The following DOC2B variants were observed in gnomAD, a reference collection of about 807,000 sequenced individuals.
DOC2B encodes double C2 domain beta.
DOC2B carries 21 observed loss-of-function variants against 28.9 expected under a neutral mutation model. The ratio of observed to expected loss-of-function variants is 0.73; its 90% CI spans 0.52 to 1.05. The LOEUF is 1.05. Ranked by LOEUF, DOC2B falls within the 50% of genes least tolerant of loss-of-function variation. DOC2B has a pLI of 0.00. For missense variants in DOC2B, 384 were observed against 421.1 expected, an observed-to-expected ratio of 0.91 and a Z score of 0.77; for synonymous variants, 194 against 178.1, an observed-to-expected ratio of 1.09 and a Z score of -0.71.
At chr17:170,824 G>A (rs111785646) in intron 2 of DOC2B, among the ~76,000 whole-genome samples, 1 of 109,698 alleles carries the variant, frequency 9.1e-6, no homozygotes, top group Non-Finnish European at 2.0e-5. Flanking sequence ...GCAGCACCAG[G>A]GGCCGGGCCA....
Position 181,488 on chromosome 17 carries a change from C to A in DOC2B, c.-9G>T. On this transcript the variant is annotated 5_prime_UTR_variant, in exon 1 of 9. Transcript: ENST00000613549. This position sits in a 1 kb window ranked among gnomAD's most constrained non-coding sequence, Gnocchi z 7.0. ...CGCCGCCGGAGGGTCATGCAGGCAG[C>A]GCCGCCCCGCCCCGGGCGCGGCCCG... 9.8e-7 allele frequency: 1 copy of A among 1,025,614 alleles called. No homozygotes were observed. Among genetic ancestry groups the A allele is most frequent in the Non-Finnish European group, 1.2e-6 (1 of 858,548 alleles). The allele number at this position is 1,025,614 out of a possible 1,614,324, so 63.5% of individuals were successfully genotyped here. A position where few individuals can be genotyped will look rare whatever the true frequency, so the allele number is the denominator to read the frequency against.
intron 6 of DOC2B, 54 bp downstream of exon 6, chr17:156,166 C>A: frequency 6.7e-7 from 1 of 1,495,184 alleles, no homozygotes; most frequent in Non-Finnish European, 9.0e-7. Flanking sequence ...GCACACGGAC[C>A]CCCGTCCTTG....
rs1162131781 is a variant in DOC2B, at chr17:181,227, G to A, written c.253C>T (p.Gln85Ter). 9.0e-6 allele frequency: 11 copies of A among 1,219,744 alleles called. No homozygotes were observed. 75.6% of individuals were successfully genotyped at this position (1,219,744 alleles called of 1,614,324 possible). A position where few individuals can be genotyped will look rare whatever the true frequency, so the allele number is the denominator to read the frequency against. Residue 85 changes from glutamine to a stop codon, truncating the protein, a stop_gained, in exon 1 of 9, where the codon CAG becomes TAG. Transcript: ENST00000613549. LOFTEE classifies it high-confidence loss of function. This position sits in a 1 kb window ranked among gnomAD's most constrained non-coding sequence, Gnocchi z 7.0. ...GAREDDEDVD[Q>*]LFGAYGSSPG... ...CTGGAGCCGTAGGCTCCGAAGAGCT[G>A]GTCCACATCCTCGTCGTCCTCGCGG...
chr17:150,284 TG>T (rs2040058309), intron 6 of DOC2B, among the ~76,000 whole-genome samples: 1 of 152,194 alleles, frequency 6.6e-6, no homozygotes, highest in South Asian at 2.1e-4. Flanking sequence ...CTGGGGTCTC[TG>T]GGGTCTCACC....
At chr17:152,247 C>G (rs1293459714) in intron 6 of DOC2B, among the ~76,000 whole-genome samples, 1 of 152,178 alleles carries the variant, frequency 6.6e-6, no homozygotes, top group African/African-American at 2.4e-5. Context: ...GCCATTTTCA[C>G]GGGCATGAAA....
intron 6 of DOC2B, among the ~76,000 whole-genome samples, chr17:150,773 C>A (rs1046362614): frequency 1.3e-5 from 2 of 152,300 alleles, no homozygotes. Flanking sequence ...CAACCACACG[C>A]CCTTCAACTG....
chr17:181,332 G>A lies in DOC2B; in HGVS notation c.148C>T (p.Pro50Ser). Residue 50 changes from proline (P) to serine (S), a missense_variant, in exon 1 of 9, where the codon CCC (proline) becomes TCC (serine). Pro to Ser is a moderately conservative substitution (Grantham distance 74). Coordinates refer to ENST00000613549, the MANE Select transcript of DOC2B (RefSeq NM_003585.5). The surrounding 1 kb of genome is among the most constrained non-coding windows in gnomAD (Gnocchi z 7.0). ...GCGTCCGGGGGTGCAGCGGCTCGGG[G>A]CCCGGCGTCCGGGGGCAGGCCCCGC... ...FPRGLPPDAGPRAAAPPDAPA... is the reference protein window; with the variant it reads ...FPRGLPPDAGSRAAAPPDAPA... 8.8e-7 allele frequency: 1 copy of A among 1,142,250 alleles called. No homozygotes were observed. Among genetic ancestry groups the A allele is most frequent in the Non-Finnish European group, 1.1e-6 (1 of 931,314 alleles). 70.8% of individuals were successfully genotyped at this position (1,142,250 alleles called of 1,614,324 possible). A position where few individuals can be genotyped will look rare whatever the true frequency, so the allele number is the denominator to read the frequency against.
At chr17:177,819 C>T (rs2040388219) in intron 1 of DOC2B, among the ~76,000 whole-genome samples, 1 of 152,280 alleles carries the variant, frequency 6.6e-6, no homozygotes, top group African/African-American at 2.4e-5. Flanking sequence ...GCACCACAGC[C>T]CATGGGGGCT....
At chr17:176,528 A>G (rs2040372181) in intron 1 of DOC2B, among the ~76,000 whole-genome samples, 1 of 152,146 alleles carries the variant, frequency 6.6e-6, no homozygotes, top group African/African-American at 2.4e-5. Context: ...CCCTGGTCCA[A>G]AAAGCTTTTT....
At chr17:175,904 G>A (rs2040364729) in intron 1 of DOC2B, among the ~76,000 whole-genome samples, 1 of 152,210 alleles carries the variant, frequency 6.6e-6, no homozygotes, top group Non-Finnish European at 1.5e-5. Flanking sequence ...CTCCTGGGAA[G>A]GAACAGCACA....
At chr17:173,188 A>G (rs1198834891) in intron 1 of DOC2B, among the ~76,000 whole-genome samples, 1 of 152,102 alleles carries the variant, frequency 6.6e-6, no homozygotes, top group Non-Finnish European at 1.5e-5. Context: ...AAGTCTCTCA[A>G]TGGCAGTGGT....
intron 6 of DOC2B, among the ~76,000 whole-genome samples, chr17:151,464 A>T (rs1171505111): frequency 1.3e-5 from 2 of 152,204 alleles, no homozygotes; most frequent in Non-Finnish European, 2.9e-5. Flanking sequence ...GCCAATAAGC[A>T]TTCCCTTTGA....
At position 156,261 on chromosome 17, in the gene DOC2B, G is replaced by T; in HGVS notation, c.882C>A (p.Ala294=). 1 of 1,551,578 alleles carries T rather than the reference G, an allele frequency of 6.4e-7. No individual in the cohort carries two copies. Among genetic ancestry groups the T allele is most frequent in the African/African-American group, 1.4e-5 (1 of 73,158 alleles). ...LVGIVRCAHL[A]AMDANGYSDP... ...CCGAGTAGCCGTTGGCGTCCATGGC[G>T]GCCAGGTGGGCGCACCGCACGATGC... The change falls in exon 6 of 9, where the codon GCC becomes GCA. Residue 294 remains alanine (A), a synonymous_variant. Coordinates refer to ENST00000613549, the MANE Select transcript of DOC2B (RefSeq NM_003585.5).
At chr17:175,002 G>C (rs1282651074) in intron 1 of DOC2B, among the ~76,000 whole-genome samples, 6 of 152,228 alleles carry the variant, frequency 3.9e-5, no homozygotes, top group Non-Finnish European at 8.8e-5. Context: ...CACTTTGGGA[G>C]GCTGAGACGG....
At chr17:149,533 C>G (rs1257336438) in intron 6 of DOC2B, among the ~76,000 whole-genome samples, 2 of 152,102 alleles carry the variant, frequency 1.3e-5, no homozygotes, top group Admixed American at 6.6e-5. Context: ...GAGTTTTTAG[C>G]AGAGTTGGTC....
Position 181,413 on chromosome 17 carries a change from A to T in DOC2B, c.67T>A (p.Cys23Ser). ...SIQEHMAIDV[C>S]PGPIRPIKQI... ...TTGATGGGACGGATGGGGCCGGGGC[A>T]CACGTCGATGGCCATATGCTCCTGG... Residue 23 changes from cysteine (C) to serine (S), a missense_variant, in exon 1 of 9, where the codon TGC (cysteine) becomes AGC (serine). Transcript: ENST00000613549. The surrounding 1 kb of genome is among the most constrained non-coding windows in gnomAD (Gnocchi z 7.0). The T allele has an allele frequency of 8.4e-7, 1 of 1,187,618 alleles. No homozygotes were observed. Among genetic ancestry groups the T allele is most frequent in the Non-Finnish European group, 1.1e-6 (1 of 946,932 alleles). 73.6% of individuals were successfully genotyped at this position (1,187,618 alleles called of 1,614,324 possible).
In DOC2B at chr17:147,855, A is replaced by G. The variant is rs985816785; in HGVS notation, c.1103-278T>C. ...CTGAAGAGGGGAGAAAGGGCCGGGC[A>G]GCCCCACTATGCGCAGCCACCAGGC... On this transcript the variant is annotated intron_variant, in intron 8 of 8. Coordinates refer to ENST00000613549, the MANE Select transcript of DOC2B (RefSeq NM_003585.5). Among the ~76,000 whole-genome samples the G allele has an allele frequency of 1.7e-3, 262 of 152,320 alleles. 6 individuals carry two copies. In the East Asian group the frequency reaches 0.045, roughly 26 times the overall value.
chr17:144,046 CG>C lies in DOC2B; in HGVS notation c.*3394del, dbSNP rs2040002049. 1 of 90,574 alleles carries C rather than the reference CG, an allele frequency of 1.1e-5. No homozygotes were observed. The highest frequency in any genetic ancestry group is 2.1e-5 in the Non-Finnish European group (1 of 48,132). The allele number at this position is 90,574 out of a possible 1,614,324, so 5.6% of individuals were successfully genotyped here. ...AGGTGACCGCTTCGGGGCTGGAAGACGGGCCCGTCGGGGATTGGCGCAGGCG... is the reference window on the plus strand; with the variant it reads ...AGGTGACCGCTTCGGGGCTGGAAGACGGCCCGTCGGGGATTGGCGCAGGCG... On this transcript the variant is annotated 3_prime_UTR_variant, in exon 9 of 9. Coordinates refer to ENST00000613549, the MANE Select transcript of DOC2B (RefSeq NM_003585.5).
rs553995711 is a variant in DOC2B at position 173,936 on chromosome 17, C to T, written c.374-1320G>A. Among the ~76,000 whole-genome samples, 326 of 152,316 alleles carry T rather than the reference C, an allele frequency of 2.1e-3. 2 individuals are homozygous for T. The highest frequency in any genetic ancestry group is 7.5e-3 in the African/African-American group (313 of 41,568). ...AGGCCCATCATTTACATCTCTTCTGCGGCTGCTTTCCTACTTCAGAAGCAG... is the reference window on the plus strand; with the variant it reads ...AGGCCCATCATTTACATCTCTTCTGTGGCTGCTTTCCTACTTCAGAAGCAG... On this transcript the variant is annotated intron_variant, in intron 1 of 8. Transcript: ENST00000613549.
Sources: allele counts gnomAD v4.1 joint callset (sites outside exome capture counted in the v4.1 genomes callset), GRCh38; gene constraint gnomAD v4.1.1; non-coding constraint Gnocchi (gnomAD v3.1); transcripts MANE v1.5; gene names NCBI Gene and HGNC (gene_info 2026-07-23, HGNC 2026-07-21).